The following IMPA2 variants were observed in gnomAD, a reference collection of about 807,000 sequenced individuals.
IMPA2 encodes the protein IMP 2.
In IMPA2, 32 loss-of-function variants were observed where a neutral mutation model predicts 35.1. The observed-to-expected ratio is 0.91, with a 90% CI of 0.69 to 1.23. The LOEUF is 1.23. Ranked by LOEUF, IMPA2 falls within the 50% of genes most tolerant of loss-of-function variation. The pLI is 0.00. For missense variants in IMPA2, 334 were observed against 387.6 expected (o/e 0.86, Z 1.16); for synonymous variants, 135 against 160.6 (o/e 0.84, Z 1.20).
chr18:11,981,519 C>T lies in IMPA2; in HGVS notation c.-151C>T. Reference sequence around the variant, plus strand: ...GCGGCCCGCTGGCTGCCCTTCCCGCCAGCGCAGGTGTGGGACGGGCGGCGG... The same window carrying T: ...GCGGCCCGCTGGCTGCCCTTCCCGCTAGCGCAGGTGTGGGACGGGCGGCGG... On this transcript the variant is annotated 5_prime_UTR_variant, in exon 1 of 8. Transcript: ENST00000269159. 2.2e-6 allele frequency: 1 copy of T among 461,912 alleles called. No individual in the cohort carries two copies. The highest frequency in any genetic ancestry group is 3.5e-6 in the Non-Finnish European group (1 of 287,136). 28.6% of individuals were successfully genotyped at this position (461,912 alleles called of 1,614,324 possible).
chr18:12,013,452 G>A lies in IMPA2; in HGVS notation c.382-813G>A, dbSNP rs113087488. On this transcript the variant is annotated intron_variant, in intron 4 of 7. Coordinates refer to ENST00000269159, the MANE Select transcript of IMPA2 (RefSeq NM_014214.3). ...ATAAACCCTTTCTCTGTAGCTTGGGGTGTCCACTCTAGGGTGTTTGTGCTC... is the reference window on the plus strand; with the variant it reads ...ATAAACCCTTTCTCTGTAGCTTGGGATGTCCACTCTAGGGTGTTTGTGCTC... Among the ~76,000 whole-genome samples the A allele has an allele frequency of 2.5e-3, 376 of 152,318 alleles. 3 individuals carry two copies. The highest frequency in any genetic ancestry group is 8.5e-3 in the African/African-American group (352 of 41,572).
intron 2 of IMPA2, among the ~76,000 whole-genome samples, chr18:12,003,351 A>G (rs1193010098): frequency 2.6e-5 from 4 of 152,066 alleles, no homozygotes; most frequent in Non-Finnish European, 5.9e-5. Context: ...TAACATGACA[A>G]AAAGCAAACC....
intron 2 of IMPA2, among the ~76,000 whole-genome samples, chr18:12,003,650 TAAAAAAAAAA>T (rs77016043): frequency 1.2e-5 from 1 of 80,026 alleles, no homozygotes; most frequent in East Asian, 5.1e-4. Context: ...GACTCCATCT[TAAAAAAAAAA>T]AAAAGAAAAG....
chr18:11,994,590 A>G (rs1906907856), intron 1 of IMPA2, among the ~76,000 whole-genome samples: 1 of 152,226 alleles, frequency 6.6e-6, no homozygotes, highest in South Asian at 2.1e-4. Context: ...TATAAATACC[A>G]GTGAGCTTCG....
At chr18:12,005,514 A>T (rs2143797574) in intron 2 of IMPA2, among the ~76,000 whole-genome samples, 1 of 152,266 alleles carries the variant, frequency 6.6e-6, no homozygotes, top group African/African-American at 2.4e-5. Context: ...TTCTAAAAGT[A>T]CTTGCTGGGT....
chr18:12,028,382 A>G (rs1278515300), intron 6 of IMPA2: 3 of 545,602 alleles, frequency 5.5e-6, no homozygotes, highest in Admixed American at 3.1e-5. Flanking sequence ...ATCAGAATCC[A>G]TGGAACTGAC....
intron 1 of IMPA2, among the ~76,000 whole-genome samples, chr18:11,982,614 G>T (rs531194658): frequency 6.6e-6 from 1 of 152,302 alleles, no homozygotes; most frequent in South Asian, 2.1e-4. Context: ...GACCAACATG[G>T]TGAAACCCCG....
intron 1 of IMPA2, among the ~76,000 whole-genome samples, chr18:11,982,025 G>C (rs1036895801): frequency 6.6e-6 from 1 of 152,246 alleles, no homozygotes; most frequent in Non-Finnish European, 1.5e-5. Context: ...CTTTGCGTTT[G>C]AGTGAGTGGT....
chr18:12,008,601 G>A (rs1332619791), intron 2 of IMPA2: 1 of 455,538 alleles, frequency 2.2e-6, no homozygotes. Context: ...GGTGGGCTGC[G>A]AATACACCTG....
chr18:12,004,035 G>A (rs1320009073), intron 2 of IMPA2, among the ~76,000 whole-genome samples: 1 of 152,192 alleles, frequency 6.6e-6, no homozygotes, highest in African/African-American at 2.4e-5. Context: ...GCCCTGCAGT[G>A]CCCAGCACAG....
At position 12,028,041 on chromosome 18, in the gene IMPA2, A is replaced by G. The variant is rs1907930702; in HGVS notation, c.491-2A>G. The G allele has an allele frequency of 3.7e-6, 6 of 1,603,632 alleles. No individual in the cohort carries two copies. The highest frequency in any genetic ancestry group is 5.1e-6 in the Non-Finnish European group (6 of 1,170,746). ...GGTGACAGGAAATTCTTTTTATTGC[A>G]GATCTCTCAAAGGCCTTGGTTCTGA... On this transcript the variant is annotated splice_acceptor_variant, in intron 5 of 7. Transcript: ENST00000269159. LOFTEE classifies it high-confidence loss of function.
chr18:12,029,672 C>T lies in IMPA2; in HGVS notation c.752-671C>T, dbSNP rs182668296. 1.2e-3 allele frequency among the ~76,000 whole-genome samples: 181 copies of T among 152,218 alleles called. 2 individuals are homozygous for T. Among genetic ancestry groups the T allele is most frequent in the Non-Finnish European group, 4.6e-4 (31 of 68,006 alleles). On this transcript the variant is annotated intron_variant, in intron 7 of 7. Coordinates refer to ENST00000269159, the MANE Select transcript of IMPA2 (RefSeq NM_014214.3). ...CTGACCTCAGGTGATCCACTCGCCT[C>T]GGCCTCCCAAAGTGCTGGGATTACA...
At chr18:12,007,602 TTCTC>T (rs1173678207) in intron 2 of IMPA2, among the ~76,000 whole-genome samples, 6 of 144,804 alleles carry the variant, frequency 4.1e-5, no homozygotes, top group South Asian at 2.2e-4. Context: ...CTTTCTTTCT[TTCTC>T]TTTCTTTCTT....
intron 2 of IMPA2, among the ~76,000 whole-genome samples, chr18:12,005,197 G>C (rs1471535457): frequency 6.6e-6 from 1 of 152,246 alleles, no homozygotes; most frequent in Non-Finnish European, 1.5e-5. Context: ...TAGGCGGGCA[G>C]GCAGTCTCAT....
At position 12,007,670 on chromosome 18, in the gene IMPA2, T is replaced by TCTTTC. The variant is rs1555645774; in HGVS notation, c.231-2212_231-2208dup. Among the ~76,000 whole-genome samples, 340 of 97,932 alleles carry TCTTTC rather than the reference T, an allele frequency of 3.5e-3. 2 individuals are homozygous for TCTTTC. The highest frequency in any genetic ancestry group is 8.5e-3 in the African/African-American group (253 of 29,940). The allele number at this position is 97,932 out of a possible 152,430, so 64.2% of individuals were successfully genotyped here. On this transcript the variant is annotated intron_variant, in intron 2 of 7. Transcript: ENST00000269159. ...TTCTTTCTTTCTTTCTTTCTTTCTT[T>TCTTTC]CTTTCTTTCCTTTCTTTCCTTTCTT...
chr18:11,988,061 A>G (rs1274643135), intron 1 of IMPA2, among the ~76,000 whole-genome samples: 2 of 127,362 alleles, frequency 1.6e-5, no homozygotes, highest in Non-Finnish European at 3.1e-5. Flanking sequence ...GCTGGAGTGC[A>G]GTGGTGCGAT....
Position 11,985,028 on chromosome 18 carries a change from C to T in IMPA2, c.96+3263C>T, listed in dbSNP as rs140266500. ...GCGTGGTGGCACACGCCTGTAATCC[C>T]TGCTACTAAGGAGGCTGAGGCAGGA... On this transcript the variant is annotated intron_variant, in intron 1 of 7. Coordinates refer to ENST00000269159, the MANE Select transcript of IMPA2 (RefSeq NM_014214.3). Among the ~76,000 whole-genome samples the T allele has an allele frequency of 6.2e-3, 924 of 150,220 alleles. 4 individuals carry two copies. The highest frequency in any genetic ancestry group is 0.035 in the Middle Eastern group (10 of 286).
chr18:12,028,897 G>C lies in IMPA2; in HGVS notation c.655G>C (p.Ala219Pro). 1 of 1,614,158 alleles carries C rather than the reference G, an allele frequency of 6.2e-7. No individual in the cohort carries two copies. Among genetic ancestry groups the C allele is most frequent in the Non-Finnish European group, 8.5e-7 (1 of 1,180,026 alleles). The part of the protein sequence containing the change: ...LALCHLASGA[A>P]DAYYQFGLHC... ...ACTCTGCCACCTGGCCTCAGGGGCC[G>C]CGGATGCCTATTACCAGTTTGGCCT... is the stretch of plus-strand genomic sequence containing the variant. Residue 219 changes from alanine (A) to proline (P), a missense_variant, in exon 7 of 8, where the codon GCG (alanine) becomes CCG (proline). Ala to Pro is a conservative substitution (Grantham distance 27). Transcript: ENST00000269159.
intron 2 of IMPA2, among the ~76,000 whole-genome samples, chr18:12,003,439 A>C (rs368344027): frequency 6.6e-5 from 10 of 152,286 alleles, no homozygotes; most frequent in African/African-American, 2.4e-4. Context: ...TGAGATCAGG[A>C]GTTCGAGACC....
Sources: gnomAD v4.1 joint callset for allele counts (sites outside exome capture counted in the v4.1 genomes callset) on GRCh38, gnomAD v4.1.1 for gene constraint, MANE v1.5 for transcripts, NCBI Gene and HGNC (gene_info 2026-07-23, HGNC 2026-07-21) for gene names.